Variants in CPZ observed in about 807,000 individuals in gnomAD.
CPZ encodes the protein carboxypeptidase Z.
In CPZ, 103 loss-of-function variants were observed where a neutral mutation model predicts 61.8. The ratio of observed to expected loss-of-function variants is 1.67; its 90% CI spans 1.42 to 1.96. The LOEUF (loss-of-function observed/expected upper bound fraction) is 1.96. CPZ is among the 30% of genes most tolerant of loss of function. The pLI is 0.00. For missense variants in CPZ, 1,461 were observed against 914.9 expected (o/e 1.60, Z -7.70); for synonymous variants, 551 against 373.7 (o/e 1.47, Z -5.47).
At chr4:8,612,188 G>T (rs1285282620) in intron 8 of CPZ, 26 bp downstream of exon 8, 1 of 470,846 alleles carries the variant, frequency 2.1e-6, no homozygotes, top group South Asian at 3.6e-5. Context: ...GGCGGGACTG[G>T]GCGGGGGGTG....
intron 7 of CPZ, 108 bp from the exon 8 acceptor site, chr4:8,611,919 A>G (rs930577628): frequency 1.4e-6 from 2 of 1,463,536 alleles, no homozygotes; most frequent in Admixed American, 3.7e-5. Flanking sequence ...CCCCTCTCCT[A>G]TCTGCAATGC....
At position 8,619,649 on chromosome 4, in the gene CPZ, A is replaced by C; in HGVS notation, c.*32A>C. The C allele has an allele frequency of 6.9e-7, 1 of 1,452,294 alleles. No individual in the cohort carries two copies. Among genetic ancestry groups the C allele is most frequent in the South Asian group, 1.5e-5 (1 of 65,548 alleles). The allele number at this position is 1,452,294 out of a possible 1,614,324, so 90.0% of individuals were successfully genotyped here. ...CCCCAGCACCCGCCAGGATGTGGAG[A>C]CCGAGGCCCATCTCCGCATCCCGGG... On this transcript the variant is annotated 3_prime_UTR_variant, in exon 11 of 11. Coordinates refer to ENST00000360986, the MANE Select transcript of CPZ (RefSeq NM_001014447.3).
chr4:8,615,751 TCTG>T (rs1462474249), intron 9 of CPZ, among the ~76,000 whole-genome samples: 1 of 152,124 alleles, frequency 6.6e-6, no homozygotes, highest in African/African-American at 2.4e-5. Flanking sequence ...GTCGCCCAGA[TCTG>T]CTTCTTCCCA....
intron 9 of CPZ, among the ~76,000 whole-genome samples, chr4:8,616,043 C>A (rs1716131118): frequency 6.6e-6 from 1 of 152,158 alleles, no homozygotes; most frequent in Non-Finnish European, 1.5e-5. Context: ...TTGAAGGAGC[C>A]TCGGATGTGG....
chr4:8,604,107 A>T lies in CPZ; in HGVS notation c.628A>T (p.Thr210Ser), dbSNP rs1213394658. Residue 210 changes from threonine (T) to serine (S), a missense_variant, in exon 4 of 11, where the codon ACC becomes TCC. Transcript: ENST00000360986. ...CTCCCGCTGCGCCCACGTGGCCAGG[A>T]CCTACAGCATCGGGCGCAGCTTCGA... Reference protein sequence around the residue: ...TASRCAHVARTYSIGRSFDGR... With the variant: ...TASRCAHVARSYSIGRSFDGR... 6 of 1,606,214 alleles carry T rather than the reference A, an allele frequency of 3.7e-6. No individual in the cohort carries two copies. Among genetic ancestry groups the T allele is most frequent in the Non-Finnish European group, 5.1e-6 (6 of 1,177,136 alleles).
At position 8,612,160 on chromosome 4, in the gene CPZ, G is replaced by C. The variant is rs1049124519; in HGVS notation, c.1361G>C (p.Gly454Ala). Reference protein sequence around the residue: ...INGADWYSFTGGMSDFNYLHT... With the variant: ...INGADWYSFTAGMSDFNYLHT... ...GGGGCGGACTGGTACAGCTTCACGG[G>C]AGGTGCGGCTTCCGCAGGGCGGGAC... The change falls in exon 8 of 11, where the codon GGA (glycine) becomes GCA (alanine). Residue 454 changes from glycine (G) to alanine (A), a missense_variant and splice_region_variant. By Grantham distance (60) the Gly-to-Ala change is moderately conservative. Transcript: ENST00000360986. 4 of 1,490,356 alleles carry C rather than the reference G, an allele frequency of 2.7e-6. No homozygotes were observed. The highest frequency in any genetic ancestry group is 2.7e-6 in the Non-Finnish European group (3 of 1,115,678). The allele number at this position is 1,490,356 out of a possible 1,614,324, so 92.3% of individuals were successfully genotyped here.
intron 3 of CPZ, 32 bp from the exon 4 acceptor site, chr4:8,603,944 A>G (rs1714754570): frequency 6.3e-7 from 1 of 1,598,268 alleles, no homozygotes; most frequent in African/African-American, 1.3e-5. Flanking sequence ...TGGGGGCCTG[A>G]CACTGACTGA....
chr4:8,606,601 C>A (rs899601605), intron 5 of CPZ, 136 bp from the exon 6 acceptor site: 5 of 1,116,396 alleles, frequency 4.5e-6, no homozygotes, highest in South Asian at 1.4e-5. Flanking sequence ...GTCAGGCATG[C>A]CCCCGAGCTC....
At chr4:8,611,292 GCCCAGAGCC>G (rs1560300058) in intron 7 of CPZ, 1 of 456,190 alleles carries the variant, frequency 2.2e-6, no homozygotes, top group Non-Finnish European at 4.4e-6. Flanking sequence ...CTTACAGACG[GCCCAGAGCC>G]CCCACAAAGG....
intron 7 of CPZ, among the ~76,000 whole-genome samples, chr4:8,611,657 C>G (rs1715705982): frequency 6.6e-6 from 1 of 152,184 alleles, no homozygotes; most frequent in Non-Finnish European, 1.5e-5. Flanking sequence ...ACTGCTCCAA[C>G]AGCCTGGGCT....
Position 8,599,437 on chromosome 4 carries a change from A to C in CPZ, c.89-16A>C. 1 of 1,604,916 alleles carries C rather than the reference A, an allele frequency of 6.2e-7. No individual in the cohort carries two copies. ...GGCGAGGCAGGTCCCTAACAGTGCC[A>C]TGTCTCTCTTTCCAGGTGAATGCCA... is the stretch of plus-strand genomic sequence containing the variant. On this transcript the variant is annotated splice_polypyrimidine_tract_variant and intron_variant, in intron 1 of 10. Transcript: ENST00000360986.
rs555501833 is a variant in CPZ at position 8,606,037 on chromosome 4, C to T, written c.758C>T (p.Ala253Val). ...LIGNIHGNEV[A>V]GREMLIYLAQ... ...GGCAACATTCATGGCAACGAGGTGG[C>T]GGGCCGGGAGATGCTCATCTACCTA... Residue 253 changes from alanine (A) to valine (V), a missense_variant, in exon 5 of 11, where the codon GCG becomes GTG. By Grantham distance (64) the Ala-to-Val change is moderately conservative (BLOSUM62 0). Transcript: ENST00000360986. 25 of 1,614,084 alleles carry T rather than the reference C, an allele frequency of 1.5e-5. No individual in the cohort carries two copies. The highest frequency in any genetic ancestry group is 2.7e-5 in the African/African-American group (2 of 75,038).
chr4:8,615,304 G>A (rs114193309), intron 9 of CPZ, among the ~76,000 whole-genome samples: 3 of 152,144 alleles, frequency 2.0e-5, no homozygotes, highest in Non-Finnish European at 1.5e-5. Context: ...GGGACTCTGT[G>A]CCCATGTCTG....
chr4:8,617,639 A>C (rs1224193024), intron 9 of CPZ, among the ~76,000 whole-genome samples: 3 of 152,028 alleles, frequency 2.0e-5, no homozygotes, highest in Admixed American at 6.5e-5. Flanking sequence ...TTCCCTTGAG[A>C]ATCTGTTGCT....
intron 1 of CPZ, among the ~76,000 whole-genome samples, chr4:8,598,356 C>T (rs777458549): frequency 6.6e-6 from 1 of 152,226 alleles, no homozygotes; most frequent in Admixed American, 6.5e-5. Context: ...TATGCTCAGC[C>T]AAGTTTTCAC....
chr4:8,604,852 G>T (rs1714815093), intron 4 of CPZ, among the ~76,000 whole-genome samples: 1 of 152,236 alleles, frequency 6.6e-6, no homozygotes, highest in Admixed American at 6.5e-5. Flanking sequence ...GGCCTTTTCA[G>T]TGCTGGCAGC....
At position 8,606,130 on chromosome 4, in the gene CPZ, G is replaced by A. The variant is rs753166608; in HGVS notation, c.851G>A (p.Arg284His). The A allele has an allele frequency of 1.9e-5, 31 of 1,613,868 alleles. No individual in the cohort carries two copies. Among genetic ancestry groups the A allele is most frequent in the East Asian group, 4.5e-5 (2 of 44,890 alleles). The part of the protein sequence containing the change: ...PRIQRLLNTT[R>H]IHLLPSMNPD... ...ATCCAGCGCCTGCTCAACACCACCC[G>A]CATCCACCTGCTGCCCTCCATGAAC... Residue 284 changes from arginine (R) to histidine (H), a missense_variant, in exon 5 of 11, where the codon CGC becomes CAC. Coordinates refer to ENST00000360986, the MANE Select transcript of CPZ (RefSeq NM_001014447.3).
At position 8,605,632 on chromosome 4, in the gene CPZ, T is replaced by TCCACCC. The variant is rs879542414; in HGVS notation, c.710-357_710-356insCCACCC. On this transcript the variant is annotated intron_variant, in intron 4 of 10. Transcript: ENST00000360986. ...CATCCATCCATCCATCCATCATTGA[T>TCCACCC]ATATCCATTCATCCACTCAAGGGCC... Among the ~76,000 whole-genome samples, 370 of 109,402 alleles carry TCCACCC rather than the reference T, an allele frequency of 3.4e-3. 3 individuals carry two copies. The highest frequency in any genetic ancestry group is 0.031 in the South Asian group (95 of 3,052). 71.8% of individuals were successfully genotyped at this position (109,402 alleles called of 152,430 possible). A position where few individuals can be genotyped will look rare whatever the true frequency, so the allele number is the denominator to read the frequency against.
Position 8,607,319 on chromosome 4 carries a change from T to G in CPZ, c.1121T>G (p.Val374Gly). ...IMKWMQTIPF[V>G]LSASLHGGDL... Reference sequence around the variant, plus strand: ...AAGTGGATGCAGACCATACCCTTTGTGCTCTCAGCCAGCCTTCATGGGGGC... The same window carrying G: ...AAGTGGATGCAGACCATACCCTTTGGGCTCTCAGCCAGCCTTCATGGGGGC... The change falls in exon 7 of 11, where the codon GTG becomes GGG. Residue 374 changes from valine to glycine, a missense_variant. Transcript: ENST00000360986. 1 of 1,614,132 alleles carries G rather than the reference T, an allele frequency of 6.2e-7. No homozygotes were observed. The highest frequency in any genetic ancestry group is 8.5e-7 in the Non-Finnish European group (1 of 1,179,980).
Sources: allele counts gnomAD v4.1 joint callset (sites outside exome capture counted in the v4.1 genomes callset), GRCh38; gene constraint gnomAD v4.1.1; transcripts MANE v1.5; gene names NCBI Gene and HGNC (gene_info 2026-07-23, HGNC 2026-07-21).